Variants in NR5A2 observed in about 807,000 individuals in gnomAD.
NR5A2 encodes nuclear receptor subfamily 5 group A member 2.
NR5A2 carries 26 observed loss-of-function variants against 62.7 expected under a neutral mutation model. The observed-to-expected ratio is 0.41, with a 90% CI of 0.30 to 0.58. NR5A2 has a LOEUF of 0.58. Ranked by LOEUF, NR5A2 falls within the 20% of genes least tolerant of loss-of-function variation. The pLI is 0.22. For missense variants in NR5A2, 541 were observed against 669.1 expected (o/e 0.81, Z 2.11); for synonymous variants, 246 against 241.7 (o/e 1.02, Z -0.16).
chr1:200,055,987 G>T (rs1662894557), intron 5 of NR5A2, among the ~76,000 whole-genome samples: 1 of 152,156 alleles, frequency 6.6e-6, no homozygotes, highest in Admixed American at 6.5e-5. Context: ...GGAATCAGCA[G>T]GTTTGATTCA....
intron 5 of NR5A2, among the ~76,000 whole-genome samples, chr1:200,056,747 T>C (rs950031002): frequency 6.6e-6 from 1 of 152,190 alleles, no homozygotes; most frequent in African/African-American, 2.4e-5. Flanking sequence ...CTGGGTCTGC[T>C]TGTTCACATG....
intron 2 of NR5A2, among the ~76,000 whole-genome samples, chr1:200,043,356 A>G (rs1662207339): frequency 6.6e-6 from 1 of 152,234 alleles, no homozygotes; most frequent in South Asian, 2.1e-4. Context: ...AACCACTTCA[A>G]GAGGGAGGGA....
chr1:200,038,821 T>A, intron 1 of NR5A2: 1 of 1,174,206 alleles, frequency 8.5e-7, no homozygotes, highest in African/African-American at 1.6e-5. Flanking sequence ...CAGGGTGGGG[T>A]GGGAGGGGGT....
intron 5 of NR5A2, among the ~76,000 whole-genome samples, chr1:200,094,194 C>G (rs9660552): frequency 1.1e-4 from 16 of 145,396 alleles, no homozygotes; most frequent in South Asian, 4.4e-4. Context: ...TTTTTTTTTT[C>G]TTTTTTTGGA....
At chr1:200,134,348 G>C (rs866407196) in intron 7 of NR5A2, among the ~76,000 whole-genome samples, 19 of 152,260 alleles carry the variant, frequency 1.2e-4, no homozygotes, top group African/African-American at 4.6e-4. Context: ...CTCCACCTAT[G>C]ATAAGTGCTC....
rs767112866 is a variant in NR5A2, at chr1:200,173,955, T to G, written c.1379-8T>G. The G allele has an allele frequency of 2.2e-6, 3 of 1,344,396 alleles. No individual in the cohort carries two copies. Among genetic ancestry groups the G allele is most frequent in the Admixed American group, 6.9e-5 (2 of 29,180 alleles). The allele number at this position is 1,344,396 out of a possible 1,614,324, so 83.3% of individuals were successfully genotyped here. On this transcript the variant is annotated splice_polypyrimidine_tract_variant and splice_region_variant and intron_variant, in intron 7 of 7. Transcript: ENST00000367362. ...ATGTTGCTTTTTTTTTTTTTTTTTT[T>G]AATGCAGATGTCAAAAACCTTGAAA...
At position 200,051,486 on chromosome 1, in the gene NR5A2, C is replaced by T. The variant is rs145980633; in HGVS notation, c.1110+2668C>T. Reference sequence around the variant, plus strand: ...TATAAAAGCATTTTTCAATCAATTACGGTGTTGTTTAATGCATTTATCAGT... The same window carrying T: ...TATAAAAGCATTTTTCAATCAATTATGGTGTTGTTTAATGCATTTATCAGT... On this transcript the variant is annotated intron_variant, in intron 5 of 7. Coordinates refer to ENST00000367362, the MANE Select transcript of NR5A2 (RefSeq NM_205860.3). Among the ~76,000 whole-genome samples the T allele has an allele frequency of 3.9e-4, 60 of 152,094 alleles. 1 individual carries two copies. In the East Asian group the frequency reaches 7.9e-3, roughly 20 times the overall value.
chr1:200,090,998 T>C (rs1390387223), intron 5 of NR5A2, among the ~76,000 whole-genome samples: 2 of 152,202 alleles, frequency 1.3e-5, no homozygotes, highest in African/African-American at 2.4e-5. Context: ...GTAGGTGCCA[T>C]TGCATTCATT....
At chr1:200,129,326 T>A (rs1322856992) in intron 7 of NR5A2, among the ~76,000 whole-genome samples, 2 of 152,192 alleles carry the variant, frequency 1.3e-5, no homozygotes, top group Non-Finnish European at 2.9e-5. Flanking sequence ...GCAGAGCAAC[T>A]ACTGATCTCA....
chr1:200,130,613 G>C (rs2102327696), intron 7 of NR5A2, among the ~76,000 whole-genome samples: 1 of 152,302 alleles, frequency 6.6e-6, no homozygotes, highest in Non-Finnish European at 1.5e-5. Context: ...TCTGAAATAA[G>C]CATTATAGTC....
intron 1 of NR5A2, among the ~76,000 whole-genome samples, chr1:200,032,512 T>C (rs1330244605): frequency 6.6e-6 from 1 of 152,200 alleles, no homozygotes; most frequent in Non-Finnish European, 1.5e-5. Context: ...ATAATGTAAT[T>C]GTCCCCAAGG....
chr1:200,137,871 G>A (rs879457743), intron 7 of NR5A2, among the ~76,000 whole-genome samples: 4 of 152,074 alleles, frequency 2.6e-5, no homozygotes, highest in Non-Finnish European at 5.9e-5. Flanking sequence ...CATTTGTCCA[G>A]GACAGCCCAT....
chr1:200,090,838 T>C (rs1664782587), intron 5 of NR5A2, among the ~76,000 whole-genome samples: 1 of 152,136 alleles, frequency 6.6e-6, no homozygotes, highest in African/African-American at 2.4e-5. Context: ...TCCCTGAGTG[T>C]CAGCCTCTGC....
chr1:200,111,007 T>C (rs759464789), intron 5 of NR5A2, among the ~76,000 whole-genome samples, 195 bp from the exon 6 acceptor site: 9 of 152,090 alleles, frequency 5.9e-5, no homozygotes, highest in Non-Finnish European at 1.0e-4. Context: ...AAAAAACTAT[T>C]TGTCCGAATG....
intron 7 of NR5A2, among the ~76,000 whole-genome samples, chr1:200,137,337 T>TA (rs1491257344): frequency 1.3e-5 from 2 of 148,240 alleles, no homozygotes; most frequent in Non-Finnish European, 3.0e-5. Context: ...TTTTTTTTTT[T>TA]ATGTTTTTGG....
chr1:200,107,593 G>T (rs1665743809), intron 5 of NR5A2, among the ~76,000 whole-genome samples: 1 of 152,216 alleles, frequency 6.6e-6, no homozygotes. Context: ...AGATTTTGAA[G>T]TGTGTCCTCA....
intron 7 of NR5A2, among the ~76,000 whole-genome samples, chr1:200,128,720 CAG>C: frequency 6.6e-6 from 1 of 152,184 alleles, no homozygotes; most frequent in South Asian, 2.1e-4. Flanking sequence ...GGTGGGCAGG[CAG>C]AGAGGAGTGT....
intron 5 of NR5A2, among the ~76,000 whole-genome samples, chr1:200,091,864 T>A (rs1406847028): frequency 6.6e-6 from 1 of 152,156 alleles, no homozygotes; most frequent in Non-Finnish European, 1.5e-5. Context: ...GGAGGACTGA[T>A]GTGCACATGT....
chr1:200,100,679 A>T (rs1329167157), intron 5 of NR5A2, among the ~76,000 whole-genome samples: 1 of 152,202 alleles, frequency 6.6e-6, no homozygotes, highest in Non-Finnish European at 1.5e-5. Flanking sequence ...CATTCAAAAG[A>T]ACACTCTCTG....
Sources: gnomAD v4.1 joint callset for allele counts (sites outside exome capture counted in the v4.1 genomes callset) on GRCh38, gnomAD v4.1.1 for gene constraint, MANE v1.5 for transcripts, NCBI Gene and HGNC (gene_info 2026-07-23, HGNC 2026-07-21) for gene names.